The following MCF2L2 variants were observed in gnomAD, a reference collection of about 807,000 sequenced individuals.
The protein encoded by MCF2L2 is MCF.2 cell line derived transforming sequence-like 2.
In MCF2L2, 102 loss-of-function variants were observed where a neutral mutation model predicts 150.2. The observed-to-expected ratio is 0.68, with a 90% CI of 0.58 to 0.80. The LOEUF (loss-of-function observed/expected upper bound fraction) is 0.80. MCF2L2 is among the 30% of genes least tolerant of loss of function. The pLI is 0.00. For missense variants in MCF2L2, 1,256 were observed against 1,372.8 expected, an observed-to-expected ratio of 0.91 and a Z score of 1.34; for synonymous variants, 465 against 491.3, an observed-to-expected ratio of 0.95 and a Z score of 0.71.
intron 3 of MCF2L2, among the ~76,000 whole-genome samples, chr3:183,350,815 A>G (rs1368661808): frequency 1.3e-5 from 2 of 151,938 alleles, no homozygotes; most frequent in Admixed American, 6.6e-5. Flanking sequence ...GAGGCTGGAG[A>G]ATGGTGTGAA....
chr3:183,207,648 T>A lies in MCF2L2; in HGVS notation c.2672A>T (p.Gln891Leu). Residue 891 changes from glutamine to leucine, a missense_variant, in exon 23 of 30, where the codon CAG becomes CTG. Gln to Leu is a moderately radical substitution (Grantham distance 113). Transcript: ENST00000328913. ...GAAGCTGTAATGAGGAGATAATCCC[T>A]GGTCCCCAGGCTCCATTCGTATCTT... ...FCKIRMEPGD[Q>L]GLSPHYSFKK... 6.2e-7 allele frequency: 1 copy of A among 1,614,238 alleles called. No homozygotes were observed. Among genetic ancestry groups the A allele is most frequent in the East Asian group, 2.2e-5 (1 of 44,890 alleles).
intron 14 of MCF2L2, among the ~76,000 whole-genome samples, chr3:183,286,159 G>T (rs776007717): frequency 1.3e-5 from 2 of 152,164 alleles, no homozygotes; most frequent in Admixed American, 6.5e-5. Context: ...AAAAGGAAAT[G>T]ATTTCTCTGA....
At chr3:183,295,265 A>G in intron 13 of MCF2L2, 35 bp downstream of exon 13, 1 of 1,571,096 alleles carries the variant, frequency 6.4e-7, no homozygotes, top group Non-Finnish European at 8.6e-7. Context: ...ATGAAACACA[A>G]AAGCCACAAA....
At chr3:183,323,794 C>CAAAA (rs77727862) in intron 5 of MCF2L2, among the ~76,000 whole-genome samples, 2 of 127,650 alleles carry the variant, frequency 1.6e-5, no homozygotes, top group South Asian at 2.6e-4. Flanking sequence ...AAGACCACAT[C>CAAAA]AAAAAAAAAA....
intron 23 of MCF2L2, 55 bp downstream of exon 23, chr3:183,207,553 G>A (rs1055432712): frequency 3.4e-5 from 46 of 1,358,406 alleles, no homozygotes; most frequent in Non-Finnish European, 4.3e-5. Context: ...TAAGGAAAAC[G>A]ATCTCTCTCT....
chr3:183,200,500 T>C lies in MCF2L2; in HGVS notation c.2885-5245A>G, dbSNP rs570646627. Among the ~76,000 whole-genome samples, 486 of 152,350 alleles carry C rather than the reference T, an allele frequency of 3.2e-3. 2 individuals carry two copies. The highest frequency in any genetic ancestry group is 0.011 in the African/African-American group (473 of 41,582). ...TTTTTTTCTTGTAAATTTGTTTAAG[T>C]TCTTTGTAGATTCTGGATATTAGCC... On this transcript the variant is annotated intron_variant, in intron 25 of 29. Coordinates refer to ENST00000328913, the MANE Select transcript of MCF2L2 (RefSeq NM_015078.4).
At chr3:183,281,459 C>T (rs1727477498) in intron 14 of MCF2L2, among the ~76,000 whole-genome samples, 1 of 150,890 alleles carries the variant, frequency 6.6e-6, no homozygotes, top group Non-Finnish European at 1.5e-5. Context: ...GGTTTGTCTG[C>T]CCTATTTGCT....
chr3:183,216,043 CTTG>C lies in MCF2L2; in HGVS notation c.2419_2421del (p.Gln807del). 1 of 1,614,040 alleles carries C rather than the reference CTTG, an allele frequency of 6.2e-7. No individual in the cohort carries two copies. The highest frequency in any genetic ancestry group is 8.5e-7 in the Non-Finnish European group (1 of 1,179,944). ...ATCAAATCCTCTATCACTGCCAAAG[CTTG>C]TTGTAGTTCAGTTGAGAATGCTGAA... On this transcript the variant is annotated inframe_deletion, in exon 22 of 30. Coordinates refer to ENST00000328913, the MANE Select transcript of MCF2L2 (RefSeq NM_015078.4).
Position 183,215,980 on chromosome 3 carries a change from T to C in MCF2L2, c.2485A>G (p.Thr829Ala), listed in dbSNP as rs763473528. ...ACTATGGAACATACCGGACATTCAG[T>C]CACTGCTGCTAGGTCCACAGCCAAC... ...CELAVDLAAV[T>A]ECPDDIGKLG... The change falls in exon 22 of 30, where the codon ACT (threonine) becomes GCT (alanine). Residue 829 changes from threonine to alanine, a missense_variant. Thr to Ala is a moderately conservative substitution (Grantham distance 58, BLOSUM62 0). Transcript: ENST00000328913. 5.6e-6 allele frequency: 9 copies of C among 1,613,546 alleles called. No homozygotes were observed. In the South Asian group the frequency reaches 8.8e-5, roughly 16 times the overall value.
Position 183,269,230 on chromosome 3 carries a change from C to CTTTTTTTTTTTT in MCF2L2, c.1862+7630_1862+7641dup, listed in dbSNP as rs60835895. On this transcript the variant is annotated intron_variant, in intron 15 of 29. Transcript: ENST00000328913. ...TACACGATTATAGCCGTTTGGGAAG[C>CTTTTTTTTTTTT]TTTTTTTTTTTTTTTTTTAAGAGTA... Among the ~76,000 whole-genome samples, 7 of 81,004 alleles carry CTTTTTTTTTTTT rather than the reference C, an allele frequency of 8.6e-5. 1 individual carries two copies. Among genetic ancestry groups the CTTTTTTTTTTTT allele is most frequent in the African/African-American group, 3.2e-4 (5 of 15,758 alleles). The allele number at this position is 81,004 out of a possible 152,430, so 53.1% of individuals were successfully genotyped here. A position where few individuals can be genotyped will look rare whatever the true frequency, so the allele number is the denominator to read the frequency against.
In MCF2L2 at chr3:183,179,375, G is replaced by C; in HGVS notation, c.*5C>G. ...AGCCGAGGAGCGGGGGCGTCCGCAGGGAGGTCAGCTCTCCTGGGCGGAGGT... is the reference window on the plus strand; with the variant it reads ...AGCCGAGGAGCGGGGGCGTCCGCAGCGAGGTCAGCTCTCCTGGGCGGAGGT... On this transcript the variant is annotated 3_prime_UTR_variant, in exon 30 of 30. Coordinates refer to ENST00000328913, the MANE Select transcript of MCF2L2 (RefSeq NM_015078.4). This position sits in a 1 kb window ranked among gnomAD's most constrained non-coding sequence, Gnocchi z 4.2. 1 of 1,467,830 alleles carries C rather than the reference G, an allele frequency of 6.8e-7. No homozygotes were observed. The highest frequency in any genetic ancestry group is 9.0e-7 in the Non-Finnish European group (1 of 1,110,074). 90.9% of individuals were successfully genotyped at this position (1,467,830 alleles called of 1,614,324 possible).
intron 6 of MCF2L2, among the ~76,000 whole-genome samples, chr3:183,319,225 T>A (rs1414208899): frequency 6.6e-6 from 1 of 152,252 alleles, no homozygotes; most frequent in Admixed American, 6.5e-5. Flanking sequence ...GAAATCACTT[T>A]TTTTGCTCAT....
intron 1 of MCF2L2, among the ~76,000 whole-genome samples, chr3:183,420,460 T>C (rs1715820883): frequency 6.6e-6 from 1 of 152,018 alleles, no homozygotes; most frequent in South Asian, 2.1e-4. Flanking sequence ...TAGCCGGGCG[T>C]TGTGGCGGTC....
intron 13 of MCF2L2, 135 bp downstream of exon 13, chr3:183,295,165 T>C: frequency 1.2e-6 from 1 of 854,336 alleles, no homozygotes; most frequent in Non-Finnish European, 1.8e-6. Context: ...GTCTGCACTA[T>C]GCTATATCTG....
rs539396258 is a variant in MCF2L2, at chr3:183,296,965, G to A, written c.1497+11C>T. On this transcript the variant is annotated intron_variant, in intron 12 of 29. Coordinates refer to ENST00000328913, the MANE Select transcript of MCF2L2 (RefSeq NM_015078.4). The stretch of plus-strand genomic sequence containing the variant: ...CCCAACCACAGGATCAAAATAACCC[G>A]GAAGCATTACCTTTGCATCGAGGGT... 74 of 1,609,788 alleles carry A rather than the reference G, an allele frequency of 4.6e-5. No individual in the cohort carries two copies. In the Middle Eastern group the frequency reaches 1.2e-3, roughly 25 times the overall value.
chr3:183,403,109 T>C (rs1714859423), intron 1 of MCF2L2, among the ~76,000 whole-genome samples: 1 of 151,884 alleles, frequency 6.6e-6, no homozygotes, highest in South Asian at 2.1e-4. Context: ...CCGTCTCTAC[T>C]AAAAATATAA....
chr3:183,304,616 C>G (rs1169528264), intron 10 of MCF2L2, among the ~76,000 whole-genome samples: 2 of 151,700 alleles, frequency 1.3e-5, no homozygotes, highest in African/African-American at 4.9e-5. Context: ...TAGGCGCCCA[C>G]CACTATGCCT....
At chr3:183,398,183 A>G (rs1274531846) in intron 1 of MCF2L2, among the ~76,000 whole-genome samples, 4 of 152,174 alleles carry the variant, frequency 2.6e-5, no homozygotes, top group Non-Finnish European at 5.9e-5. Context: ...TCAATCTCCC[A>G]CCCACCCCTT....
At chr3:183,282,028 A>G (rs572636007) in intron 14 of MCF2L2, among the ~76,000 whole-genome samples, 1 of 151,534 alleles carries the variant, frequency 6.6e-6, no homozygotes, top group African/African-American at 2.4e-5. Flanking sequence ...CAGCCTCCCA[A>G]AGCGCTGGGA....
Sources: allele counts gnomAD v4.1 joint callset (sites outside exome capture counted in the v4.1 genomes callset), GRCh38; gene constraint gnomAD v4.1.1; non-coding constraint Gnocchi (gnomAD v3.1); transcripts MANE v1.5; gene names NCBI Gene and HGNC (gene_info 2026-07-23, HGNC 2026-07-21).